Variants in TMEM170B observed in about 807,000 individuals in gnomAD.
The protein encoded by TMEM170B is transmembrane protein 170B.
A neutral mutation model predicts 13.0 loss-of-function variants in TMEM170B; 6 were observed. The observed-to-expected ratio is 0.46, with a 90% confidence interval of 0.25 to 0.91. The LOEUF is 0.91. Ranked by LOEUF, TMEM170B falls within the 40% of genes least tolerant of loss-of-function variation. The pLI is 0.17. For synonymous variants in TMEM170B, 61 were observed against 64.9 expected, an observed-to-expected ratio of 0.94 and a Z score of 0.29; for missense variants, 138 against 165.2, an observed-to-expected ratio of 0.84 and a Z score of 0.90.
At position 11,577,088 on chromosome 6, in the gene TMEM170B, A is replaced by G. The variant is rs1279270434; in HGVS notation, c.*1527A>G. 3 of 152,112 alleles carry G rather than the reference A, an allele frequency of 2.0e-5. No individual in the cohort carries two copies. The highest frequency in any genetic ancestry group is 2.9e-5 in the Non-Finnish European group (2 of 67,962). 9.4% of individuals were successfully genotyped at this position (152,112 alleles called of 1,614,324 possible). On this transcript the variant is annotated 3_prime_UTR_variant, in exon 3 of 3. Transcript: ENST00000379426. The stretch of plus-strand genomic sequence containing the variant: ...GCCTTGCTGTTTAATCCAATTTGCT[A>G]TAAAAGTAGGCCTTTGTTATATTAC...
In TMEM170B at chr6:11,580,837, G is replaced by A. The variant is rs1032490112; in HGVS notation, c.*5276G>A. The A allele has an allele frequency of 2.6e-5, 4 of 152,206 alleles. No homozygotes were observed. Among genetic ancestry groups the A allele is most frequent in the African/African-American group, 7.2e-5 (3 of 41,438 alleles). The allele number at this position is 152,206 out of a possible 1,614,324, so 9.4% of individuals were successfully genotyped here. ...ACTATACTGGATGAGTATGTATACT[G>A]CATGTTTACACATGCTGTGTTTCTT... On this transcript the variant is annotated 3_prime_UTR_variant, in exon 3 of 3. Transcript: ENST00000379426.
chr6:11,562,635 A>G (rs1759682690), intron 1 of TMEM170B, among the ~76,000 whole-genome samples: 1 of 152,170 alleles, frequency 6.6e-6, no homozygotes. Flanking sequence ...ACCAATACAT[A>G]GAGAGCTTAT....
chr6:11,549,785 G>A lies in TMEM170B; in HGVS notation c.97+11411G>A, dbSNP rs145107137. Among the ~76,000 whole-genome samples, 27 of 152,052 alleles carry A rather than the reference G, an allele frequency of 1.8e-4. No individual in the cohort carries two copies. The East Asian group carries it at 5.2e-3, about 29-fold the overall frequency. The stretch of plus-strand genomic sequence containing the variant: ...TCACCAAACTTTATGCAAATAGGAA[G>A]AACACAATTTCTTACTGGAGTCCAG... On this transcript the variant is annotated intron_variant, in intron 1 of 2. Coordinates refer to ENST00000379426, the MANE Select transcript of TMEM170B (RefSeq NM_001100829.3).
intron 1 of TMEM170B, among the ~76,000 whole-genome samples, chr6:11,545,780 G>C (rs1354769133): frequency 6.6e-6 from 1 of 151,802 alleles, no homozygotes; most frequent in Non-Finnish European, 1.5e-5. Context: ...GGCCGAGGCA[G>C]GTGGATCACG....
At chr6:11,539,198 C>T (rs1430718968) in intron 1 of TMEM170B, among the ~76,000 whole-genome samples, 2 of 152,112 alleles carry the variant, frequency 1.3e-5, no homozygotes, top group African/African-American at 4.8e-5. Context: ...TTACATTATA[C>T]TTTGAGTTCC....
At chr6:11,571,968 TAATC>T (rs1447340301) in intron 2 of TMEM170B, among the ~76,000 whole-genome samples, 3 of 152,092 alleles carry the variant, frequency 2.0e-5, no homozygotes, top group African/African-American at 7.2e-5. Context: ...ATTTGTAAAT[TAATC>T]AGATAGATAA....
rs570146744 is a variant in TMEM170B at position 11,563,350 on chromosome 6, A to T, written c.98-2316A>T. On this transcript the variant is annotated intron_variant, in intron 1 of 2. Coordinates refer to ENST00000379426, the MANE Select transcript of TMEM170B (RefSeq NM_001100829.3). The stretch of plus-strand genomic sequence containing the variant: ...GGCACTCACTGTTTTCTCCTCCCTC[A>T]CACAGATCACTTCTGTGACAAGTGA... Among the ~76,000 whole-genome samples, 19 of 152,214 alleles carry T rather than the reference A, an allele frequency of 1.2e-4. No homozygotes were observed. In the South Asian group the frequency reaches 3.9e-3, roughly 32 times the overall value.
intron 1 of TMEM170B, among the ~76,000 whole-genome samples, chr6:11,558,537 G>T (rs893948303): frequency 5.9e-5 from 9 of 152,252 alleles, no homozygotes; most frequent in African/African-American, 2.2e-4. Context: ...AGAATGTCTG[G>T]GGGTGGTATC....
rs1378815619 is a variant in TMEM170B, at chr6:11,575,813, C to T, written c.*252C>T. 6.5e-6 allele frequency: 2 copies of T among 305,736 alleles called. No individual in the cohort carries two copies. The highest frequency in any genetic ancestry group is 4.3e-5 in the African/African-American group (2 of 46,946). 18.9% of individuals were successfully genotyped at this position (305,736 alleles called of 1,614,324 possible). ...CACTATGTAAAGTTACAAGAAAAAGCACCTTGTTTAGCTGCCTATCAGGTT... is the reference window on the plus strand; with the variant it reads ...CACTATGTAAAGTTACAAGAAAAAGTACCTTGTTTAGCTGCCTATCAGGTT... On this transcript the variant is annotated 3_prime_UTR_variant, in exon 3 of 3. Coordinates refer to ENST00000379426, the MANE Select transcript of TMEM170B (RefSeq NM_001100829.3). The surrounding 1 kb of genome is among the most constrained non-coding windows in gnomAD (Gnocchi z 4.1).
At position 11,538,108 on chromosome 6, in the gene TMEM170B, C is replaced by A. The variant is rs949304886; in HGVS notation, c.-170C>A. Among the ~76,000 whole-genome samples, 38 of 151,064 alleles carry A rather than the reference C, an allele frequency of 2.5e-4. No individual in the cohort carries two copies. Among genetic ancestry groups the A allele is most frequent in the African/African-American group, 7.8e-4 (32 of 41,256 alleles). On this transcript the variant is annotated 5_prime_UTR_variant, in exon 1 of 3. Coordinates refer to ENST00000379426, the MANE Select transcript of TMEM170B (RefSeq NM_001100829.3). ...TGGGAGACACGCTGAGCGGCCCCCC[C>A]ACGGAGGCCCTCCGGCTGCAGCAGC... is the stretch of plus-strand genomic sequence containing the variant.
In TMEM170B at chr6:11,538,960, C is replaced by T. The variant is rs79238406; in HGVS notation, c.97+586C>T. Among the ~76,000 whole-genome samples, 1,372 of 152,228 alleles carry T rather than the reference C, an allele frequency of 9.0e-3. 30 individuals carry two copies. The highest frequency in any genetic ancestry group is 0.031 in the African/African-American group (1,294 of 41,540). Reference sequence around the variant, plus strand: ...GTGTTAGCTTCATATATCTCCTTCCCCTCCCATTTCCTTTTGTCTGTCTGT... The same window carrying T: ...GTGTTAGCTTCATATATCTCCTTCCTCTCCCATTTCCTTTTGTCTGTCTGT... On this transcript the variant is annotated intron_variant, in intron 1 of 2. Transcript: ENST00000379426.
chr6:11,538,662 G>A (rs1419362582), intron 1 of TMEM170B, among the ~76,000 whole-genome samples: 3 of 152,244 alleles, frequency 2.0e-5, no homozygotes, highest in Non-Finnish European at 4.4e-5. Context: ...AGTACGCGCG[G>A]AGTAGCTTTA....
Position 11,546,996 on chromosome 6 carries a change from G to A in TMEM170B, c.97+8622G>A, listed in dbSNP as rs543523716. ...AAAAGTTATATGAATGCGGTCTCTC[G>A]CTCTCAAAATATTGTATTGTACTAT... On this transcript the variant is annotated intron_variant, in intron 1 of 2. Transcript: ENST00000379426. Among the ~76,000 whole-genome samples, 4 of 152,234 alleles carry A rather than the reference G, an allele frequency of 2.6e-5. No individual in the cohort carries two copies. In the East Asian group the frequency reaches 5.8e-4, roughly 22 times the overall value.
intron 1 of TMEM170B, among the ~76,000 whole-genome samples, chr6:11,546,104 G>C (rs1361970701): frequency 2.6e-5 from 4 of 151,406 alleles, no homozygotes. Context: ...TGTTACCTTA[G>C]GAGATGCCAG....
intron 2 of TMEM170B, among the ~76,000 whole-genome samples, chr6:11,568,429 G>GTATA (rs10537142): frequency 2.6e-5 from 4 of 151,302 alleles, no homozygotes; most frequent in African/African-American, 9.7e-5. Context: ...AATGGTATGT[G>GTATA]TATATATATA....
intron 1 of TMEM170B, among the ~76,000 whole-genome samples, chr6:11,556,955 A>G (rs1561909751): frequency 1.3e-5 from 2 of 152,148 alleles, no homozygotes. Context: ...TCTCCAGCCT[A>G]TGATCCAGTC....
At chr6:11,547,826 GAT>G (rs1427054211) in intron 1 of TMEM170B, among the ~76,000 whole-genome samples, 1 of 151,988 alleles carries the variant, frequency 6.6e-6, no homozygotes, top group Admixed American at 6.6e-5. Context: ...CCATTTTCTG[GAT>G]ATGTCTTGGG....
intron 1 of TMEM170B, among the ~76,000 whole-genome samples, chr6:11,540,910 A>G (rs897535153): frequency 3.3e-5 from 5 of 152,204 alleles, no homozygotes; most frequent in Admixed American, 6.5e-5. Context: ...GGACATCTCC[A>G]TCACAGCTCT....
intron 1 of TMEM170B, among the ~76,000 whole-genome samples, chr6:11,551,005 T>G (rs1187345014): frequency 6.6e-6 from 1 of 152,214 alleles, no homozygotes; most frequent in Non-Finnish European, 1.5e-5. Flanking sequence ...CACATTTATT[T>G]TCTCATACAG....
Sources: gnomAD v4.1 joint callset for allele counts (sites outside exome capture counted in the v4.1 genomes callset) on GRCh38, gnomAD v4.1.1 for gene constraint, Gnocchi (gnomAD v3.1) non-coding constraint, MANE v1.5 for transcripts, NCBI Gene and HGNC (gene_info 2026-07-23, HGNC 2026-07-21) for gene names.